IFT43: variants seen among roughly 807,000 people sequenced by gnomAD.
IFT43 encodes intraflagellar transport 43, also known as intraflagellar transport protein 43 homolog.
IFT43 carries 33 observed loss-of-function variants against 32.3 expected under a neutral mutation model. That is an observed-to-expected ratio of 1.02 (90% CI 0.77 to 1.37). The LOEUF is 1.37. Among genes scored for constraint, IFT43 ranks in the 40% most tolerant of loss-of-function variants. The probability of loss-of-function intolerance (pLI) is 0.00; values close to 1 mark genes in which losing one functional copy is unlikely to be tolerated. For synonymous variants in IFT43, 93 were observed against 98.2 expected, an observed-to-expected ratio of 0.95 and a Z score of 0.31; for missense variants, 274 against 265.9, an observed-to-expected ratio of 1.03 and a Z score of -0.21.
At chr14:76,081,612 G>T (rs181016382) in intron 5 of IFT43, among the ~76,000 whole-genome samples, 5 of 152,214 alleles carry the variant, frequency 3.3e-5, no homozygotes, top group African/African-American at 1.2e-4. Context: ...AAATGGCCTC[G>T]TGTCTCCTCG....
chr14:75,986,841 T>TA (rs59063398), intron 1 of IFT43, among the ~76,000 whole-genome samples: 2,945 of 152,330 alleles, frequency 0.019, 92 homozygotes, highest in African/African-American at 0.067. Context: ...GGCCTGCTGA[T>TA]ACGTGAATGT....
intron 3 of IFT43, among the ~76,000 whole-genome samples, chr14:76,044,108 G>C (rs1288070439): frequency 6.6e-6 from 1 of 150,674 alleles, no homozygotes; most frequent in Non-Finnish European, 1.5e-5. Flanking sequence ...GGAATGCAGT[G>C]GTGCTATCTC....
intron 3 of IFT43, among the ~76,000 whole-genome samples, chr14:76,046,413 G>C (rs922620709): frequency 2.0e-5 from 3 of 152,106 alleles, no homozygotes; most frequent in African/African-American, 7.2e-5. Flanking sequence ...TTCAGCAAGG[G>C]AGGCAGCAAT....
chr14:76,074,467 C>G (rs1255379327), intron 5 of IFT43, among the ~76,000 whole-genome samples: 1 of 152,154 alleles, frequency 6.6e-6, no homozygotes, highest in Non-Finnish European at 1.5e-5. Flanking sequence ...TAAAGGTCAC[C>G]TGGGCAGGTG....
At chr14:76,052,888 G>A (rs967535621) in intron 3 of IFT43, among the ~76,000 whole-genome samples, 3 of 152,176 alleles carry the variant, frequency 2.0e-5, no homozygotes, top group Non-Finnish European at 4.4e-5. Context: ...AAGTTGAAAA[G>A]TTGTCCCCGT....
intron 5 of IFT43, among the ~76,000 whole-genome samples, chr14:76,062,938 A>AAAAG (rs550488426): frequency 8.3e-5 from 10 of 120,830 alleles, no homozygotes; most frequent in African/African-American, 1.6e-4. Flanking sequence ...AAAAAAAAAA[A>AAAAG]AAAGAAAATA....
chr14:75,985,928 C>T (rs893651100), intron 1 of IFT43, 88 bp downstream of exon 1: 12 of 1,561,824 alleles, frequency 7.7e-6, no homozygotes, highest in Non-Finnish European at 1.0e-5. Flanking sequence ...TGAGGCGACT[C>T]AGGGCGGCAG....
intron 5 of IFT43, among the ~76,000 whole-genome samples, chr14:76,073,126 A>G (rs1298895764): frequency 1.3e-5 from 2 of 152,052 alleles, no homozygotes; most frequent in African/African-American, 4.8e-5. Flanking sequence ...AAAAGGCACC[A>G]TGTTCTCTGC....
At chr14:76,026,285 G>A (rs1366139682) in intron 3 of IFT43, among the ~76,000 whole-genome samples, 2 of 152,204 alleles carry the variant, frequency 1.3e-5, no homozygotes, top group East Asian at 1.9e-4. Flanking sequence ...ACGGCCAGGT[G>A]TGGTGGCTCA....
chr14:76,059,789 C>T (rs2037096105), intron 5 of IFT43, among the ~76,000 whole-genome samples: 1 of 152,194 alleles, frequency 6.6e-6, no homozygotes, highest in South Asian at 2.1e-4. Flanking sequence ...CATTTTCTCT[C>T]ACCACAACCC....
intron 3 of IFT43, among the ~76,000 whole-genome samples, chr14:76,052,249 G>A (rs768500962): frequency 1.2e-4 from 19 of 152,308 alleles, no homozygotes; most frequent in Non-Finnish European, 2.1e-4. Flanking sequence ...TCTCTGAGCC[G>A]TGGTACTTTA....
At chr14:76,076,800 G>A (rs1416942556) in intron 5 of IFT43, 2 of 1,338,890 alleles carry the variant, frequency 1.5e-6, no homozygotes, top group African/African-American at 2.9e-5. Flanking sequence ...CGTAATGAAT[G>A]TATTTCAGGC....
chr14:76,049,716 G>A (rs1185287768), intron 3 of IFT43, among the ~76,000 whole-genome samples: 1 of 42,068 alleles, frequency 2.4e-5, no homozygotes, highest in African/African-American at 1.1e-4. Flanking sequence ...TCTCCCAGTG[G>A]GAAGAATAAG....
At chr14:76,003,995 C>G (rs1352602233) in intron 2 of IFT43, among the ~76,000 whole-genome samples, 2 of 152,124 alleles carry the variant, frequency 1.3e-5, no homozygotes, top group Non-Finnish European at 2.9e-5. Context: ...AGGCTGGTCT[C>G]AAACTCCTGA....
rs1351014402 is a variant in IFT43, at chr14:76,044,495, C to T, written c.216-14147C>T. Among the ~76,000 whole-genome samples the T allele has an allele frequency of 1.7e-4, 26 of 152,122 alleles. 1 individual carries two copies. Among genetic ancestry groups the T allele is most frequent in the Admixed American group, 1.6e-3 (25 of 15,268 alleles). On this transcript the variant is annotated intron_variant, in intron 3 of 8. Transcript: ENST00000314067. Reference sequence around the variant, plus strand: ...CTCTCCAGCCCAGAAACTCTCAGAACCTAGTCGTTTTGGGTGTTTATGGAA... The same window carrying T: ...CTCTCCAGCCCAGAAACTCTCAGAATCTAGTCGTTTTGGGTGTTTATGGAA...
intron 2 of IFT43, among the ~76,000 whole-genome samples, chr14:76,017,999 A>G (rs1297187691): frequency 6.6e-6 from 1 of 151,746 alleles, no homozygotes; most frequent in Non-Finnish European, 1.5e-5. Flanking sequence ...TCAAAAAACT[A>G]TCTTTTGTTT....
At chr14:76,006,061 G>T (rs117816824) in intron 2 of IFT43, among the ~76,000 whole-genome samples, 1 of 151,930 alleles carries the variant, frequency 6.6e-6, no homozygotes, top group Non-Finnish European at 1.5e-5. Flanking sequence ...TGACAGGGAC[G>T]TTCTGATATA....
intron 3 of IFT43, among the ~76,000 whole-genome samples, chr14:76,027,940 C>A (rs2036435195): frequency 6.6e-6 from 1 of 152,082 alleles, no homozygotes; most frequent in African/African-American, 2.4e-5. Context: ...CTAGTCCTCA[C>A]CTTTCCCCAT....
chr14:75,997,675 G>A (rs2035772877), intron 2 of IFT43, among the ~76,000 whole-genome samples: 1 of 152,062 alleles, frequency 6.6e-6, no homozygotes. Context: ...CTTCTATTTA[G>A]GCAAAGTGAC....
Sources: allele counts gnomAD v4.1 joint callset (sites outside exome capture counted in the v4.1 genomes callset), GRCh38; gene constraint gnomAD v4.1.1; transcripts MANE v1.5; gene names NCBI Gene and HGNC (gene_info 2026-07-23, HGNC 2026-07-21).